Variants in KICS2 observed in about 807,000 individuals in gnomAD.
KICS2 encodes KICSTOR complex protein C12orf66.
A neutral mutation model predicts 31.4 loss-of-function variants in KICS2; 13 were observed. The observed-to-expected ratio is 0.41, with a 90% CI of 0.27 to 0.66. The LOEUF (loss-of-function observed/expected upper bound fraction) is 0.66. Ranked by LOEUF, KICS2 falls within the 30% of genes least tolerant of loss-of-function variation. The pLI is 0.28. For missense variants in KICS2, 455 were observed against 545.4 expected (o/e 0.83, Z 1.65); for synonymous variants, 209 against 214.8 (o/e 0.97, Z 0.24).
chr12:64,194,946 T>TTTA lies in KICS2; in HGVS notation c.522-289_522-288insTAA, dbSNP rs1555180923. Among the ~76,000 whole-genome samples the TTTA allele has an allele frequency of 2.0e-5, 3 of 151,710 alleles. No homozygotes were observed. The East Asian group carries it at 5.8e-4, about 29-fold the overall frequency. ...AATTAGCTACAATTCATTTTTTTTTTTTTATTTATTTATTTTAGACTGGTT... is the reference window on the plus strand; with the variant it reads ...AATTAGCTACAATTCATTTTTTTTTTTTATTTATTTATTTATTTTAGACTGGTT... On this transcript the variant is annotated intron_variant, in intron 2 of 2. Transcript: ENST00000398055.
chr12:64,216,037 C>T (rs921484956), intron 1 of KICS2, 74 bp from the exon 2 acceptor site: 4 of 1,448,146 alleles, frequency 2.8e-6, no homozygotes, highest in South Asian at 1.4e-5. Context: ...TACCAACATG[C>T]AAAAGCAAAG....
intron 2 of KICS2, among the ~76,000 whole-genome samples, chr12:64,207,481 G>A (rs903745462): frequency 6.6e-6 from 1 of 152,100 alleles, no homozygotes. Flanking sequence ...TTGTAACTTT[G>A]CAGCTCCTTT....
chr12:64,189,470 G>T (rs1376570041), downstream of KICS2, among the ~76,000 whole-genome samples: 1 of 152,024 alleles, frequency 6.6e-6, no homozygotes, highest in Non-Finnish European at 1.5e-5. Flanking sequence ...GGGGAAAAAA[G>T]GATGAAAAAC....
intron 2 of KICS2, among the ~76,000 whole-genome samples, chr12:64,196,549 T>C (rs1365769076): frequency 5.3e-5 from 8 of 151,648 alleles, no homozygotes; most frequent in African/African-American, 1.9e-4. Flanking sequence ...GCGTCTCTCC[T>C]CCTCCAAAGG....
At chr12:64,190,335 T>C (rs956961340), downstream of KICS2, among the ~76,000 whole-genome samples, 3 of 152,236 alleles carry the variant, frequency 2.0e-5, no homozygotes, top group African/African-American at 7.2e-5. Flanking sequence ...AGCCCCATTT[T>C]ACAGACAAGG....
In KICS2 at chr12:64,204,327, C is replaced by A. The variant is rs181490099; in HGVS notation, c.522-9669G>T. Among the ~76,000 whole-genome samples, 384 of 152,246 alleles carry A rather than the reference C, an allele frequency of 2.5e-3. 1 individual carries two copies. Among genetic ancestry groups the A allele is most frequent in the Non-Finnish European group, 4.6e-3 (315 of 68,006 alleles). ...CCACGGCACATGTTTACCTATGTAA[C>A]AAACCTGCACATTCTGCACATGTAC... On this transcript the variant is annotated intron_variant, in intron 2 of 2. Coordinates refer to ENST00000398055, the MANE Select transcript of KICS2 (RefSeq NM_152440.5).
chr12:64,210,872 C>T (rs2037576776), intron 2 of KICS2, among the ~76,000 whole-genome samples: 1 of 152,194 alleles, frequency 6.6e-6, no homozygotes, highest in Admixed American at 6.5e-5. Context: ...CGTGTATGCA[C>T]ACACACATCA....
At chr12:64,203,988 G>A (rs2037513961) in intron 2 of KICS2, among the ~76,000 whole-genome samples, 1 of 152,242 alleles carries the variant, frequency 6.6e-6, no homozygotes, top group Non-Finnish European at 1.5e-5. Context: ...GAAGCTGTAA[G>A]CCATTATTCT....
chr12:64,214,815 C>G (rs1247619183), intron 2 of KICS2, among the ~76,000 whole-genome samples: 2 of 151,790 alleles, frequency 1.3e-5, no homozygotes, highest in East Asian at 3.9e-4. Flanking sequence ...CAGGAGATTA[C>G]AGGCACTTAG....
intron 2 of KICS2, among the ~76,000 whole-genome samples, chr12:64,212,409 T>C (rs890146141): frequency 3.3e-5 from 5 of 152,244 alleles, no homozygotes; most frequent in African/African-American, 1.2e-4. Context: ...TTTCGCATAA[T>C]GGAAATTATG....
downstream of KICS2, chr12:64,187,045 GCT>G (rs1434084265): frequency 6.6e-6 from 1 of 152,486 alleles, no homozygotes; most frequent in African/African-American, 2.4e-5. Flanking sequence ...GGATCAACCG[GCT>G]GAGTCATAAA....
At chr12:64,216,114 A>G in intron 1 of KICS2, 151 bp from the exon 2 acceptor site, 1 of 596,808 alleles carries the variant, frequency 1.7e-6, no homozygotes, top group Non-Finnish European at 2.9e-6. Context: ...TGAGATATAA[A>G]TACTTTATGA....
chr12:64,186,683 G>A (rs2037341972), downstream of KICS2: 1 of 152,154 alleles, frequency 6.6e-6, no homozygotes, highest in African/African-American at 2.4e-5. Flanking sequence ...AGGGAGGTAT[G>A]CAAGTAACAA....
At chr12:64,187,559 T>C (rs2037347798), downstream of KICS2, 1 of 1,382,780 alleles carries the variant, frequency 7.2e-7, no homozygotes, top group Non-Finnish European at 9.9e-7. Flanking sequence ...GAAATGCACA[T>C]CAAGCCTATT....
chr12:64,196,781 G>C (rs2037444310), intron 2 of KICS2, among the ~76,000 whole-genome samples: 1 of 147,694 alleles, frequency 6.8e-6, no homozygotes, highest in South Asian at 2.2e-4. Flanking sequence ...GAAAACCAAG[G>C]CTCGAGAACT....
chr12:64,189,046 A>C (rs531990514), downstream of KICS2, among the ~76,000 whole-genome samples: 1 of 152,064 alleles, frequency 6.6e-6, no homozygotes, highest in Non-Finnish European at 1.5e-5. Flanking sequence ...CCAGCTACTC[A>C]GGAGGCTGAG....
chr12:64,208,600 T>G (rs1349133538), intron 2 of KICS2, among the ~76,000 whole-genome samples: 1 of 152,224 alleles, frequency 6.6e-6, no homozygotes, highest in Non-Finnish European at 1.5e-5. Flanking sequence ...TCAAAAATCT[T>G]TTTTTGACGA....
intron 1 of KICS2, among the ~76,000 whole-genome samples, chr12:64,218,577 G>A (rs1170743899): frequency 1.3e-5 from 2 of 152,036 alleles, no homozygotes; most frequent in African/African-American, 2.4e-5. Flanking sequence ...TTCTGAAACT[G>A]TGGTGAATTG....
At chr12:64,194,727 C>A in intron 2 of KICS2, 69 bp from the exon 3 acceptor site, 3 of 1,492,566 alleles carry the variant, frequency 2.0e-6, no homozygotes, top group Non-Finnish European at 2.7e-6. Context: ...ATTTTTCTAA[C>A]CACAAAGCAA....
Sources: allele counts gnomAD v4.1 joint callset (sites outside exome capture counted in the v4.1 genomes callset), GRCh38; gene constraint gnomAD v4.1.1; transcripts MANE v1.5; gene names NCBI Gene and HGNC (gene_info 2026-07-23, HGNC 2026-07-21).